Variants in PHKB observed in about 807,000 individuals in gnomAD.
The protein encoded by PHKB is phosphorylase b kinase regulatory subunit beta.
A neutral mutation model predicts 152.1 loss-of-function variants in PHKB; 122 were observed. The observed-to-expected ratio is 0.80, with a 90% CI of 0.69 to 0.93. The LOEUF is 0.93. PHKB is among the 40% of genes least tolerant of loss of function. The pLI is 0.00. For synonymous variants in PHKB, 436 were observed against 464.9 expected (o/e 0.94, Z 0.80); for missense variants, 1,304 against 1,328.4 (o/e 0.98, Z 0.29).
At chr16:47,619,673 A>G (rs1445367370) in intron 14 of PHKB, among the ~76,000 whole-genome samples, 1 of 152,206 alleles carries the variant, frequency 6.6e-6, no homozygotes, top group Non-Finnish European at 1.5e-5. Flanking sequence ...CCCACTGATT[A>G]TCTACGAATG....
rs543952914 is a variant in PHKB, at chr16:47,511,102, T to C, written c.406-563T>C. Among the ~76,000 whole-genome samples, 205 of 152,340 alleles carry C rather than the reference T, an allele frequency of 1.3e-3. No individual in the cohort carries two copies. In the Middle Eastern group the frequency reaches 0.017, roughly 13 times the overall value. On this transcript the variant is annotated intron_variant, in intron 4 of 30. Transcript: ENST00000323584. ...TATGTCTAGCTAATAAATAATGGCGTGGCCTATATTCTCTTAGAGTTGGTG... is the reference window on the plus strand; with the variant it reads ...TATGTCTAGCTAATAAATAATGGCGCGGCCTATATTCTCTTAGAGTTGGTG...
At chr16:47,463,875 TAA>T in intron 1 of PHKB, 2 of 1,578,398 alleles carry the variant, frequency 1.3e-6, no homozygotes, top group Non-Finnish European at 1.7e-6. Context: ...TAACCTTTAC[TAA>T]ACAGTTTTAA....
At chr16:47,629,595 C>T (rs1972783749) in intron 14 of PHKB, among the ~76,000 whole-genome samples, 1 of 149,882 alleles carries the variant, frequency 6.7e-6, no homozygotes, top group Non-Finnish European at 1.5e-5. Flanking sequence ...ACTAGTTCAA[C>T]CATTGTGGAA....
At chr16:47,619,886 C>T (rs1202471351) in intron 14 of PHKB, among the ~76,000 whole-genome samples, 4 of 152,066 alleles carry the variant, frequency 2.6e-5, no homozygotes, top group Non-Finnish European at 4.4e-5. Context: ...TATAAGGTGA[C>T]CCTTAGAGAA....
At chr16:47,658,997 T>A (rs1321845064) in intron 20 of PHKB, among the ~76,000 whole-genome samples, 1 of 152,238 alleles carries the variant, frequency 6.6e-6, no homozygotes, top group African/African-American at 2.4e-5. Flanking sequence ...AACAAATCAT[T>A]TAACTAAAGA....
chr16:47,594,662 G>T (rs1042478297), intron 12 of PHKB, among the ~76,000 whole-genome samples: 1 of 152,104 alleles, frequency 6.6e-6, no homozygotes, highest in South Asian at 2.1e-4. Flanking sequence ...TTGAACATCT[G>T]CCATGGTGCT....
At chr16:47,627,469 C>T (rs1489862258) in intron 14 of PHKB, among the ~76,000 whole-genome samples, 1 of 152,224 alleles carries the variant, frequency 6.6e-6, no homozygotes, top group Non-Finnish European at 1.5e-5. Context: ...TCGGTATTCT[C>T]TTCCACTATA....
chr16:47,605,138 A>G (rs1972299763), intron 13 of PHKB, among the ~76,000 whole-genome samples: 2 of 152,224 alleles, frequency 1.3e-5, no homozygotes, highest in South Asian at 4.1e-4. Flanking sequence ...TAAAGTAATG[A>G]TTATGGCAAT....
intron 26 of PHKB, among the ~76,000 whole-genome samples, chr16:47,671,404 A>G (rs1973635612): frequency 6.6e-6 from 1 of 152,202 alleles, no homozygotes; most frequent in African/African-American, 2.4e-5. Context: ...AACTATATAC[A>G]TAATGTTGTC....
intron 1 of PHKB, among the ~76,000 whole-genome samples, chr16:47,478,356 C>A (rs1486941354): frequency 6.6e-6 from 1 of 151,944 alleles, no homozygotes; most frequent in East Asian, 1.9e-4. Context: ...AGTGCAGCGA[C>A]CAATACCAGA....
intron 14 of PHKB, among the ~76,000 whole-genome samples, chr16:47,625,801 TATTA>T (rs1309013378): frequency 3.9e-5 from 6 of 152,234 alleles, no homozygotes; most frequent in African/African-American, 1.4e-4. Context: ...GTAAAATCAC[TATTA>T]ATTGAATCAA....
chr16:47,553,161 C>A (rs756236392), intron 7 of PHKB, among the ~76,000 whole-genome samples: 3 of 152,134 alleles, frequency 2.0e-5, no homozygotes. Context: ...CCATTACTTT[C>A]AGGTACACCA....
intron 2 of PHKB, among the ~76,000 whole-genome samples, chr16:47,497,936 GTTTGT>G (rs1250867360): frequency 6.6e-6 from 1 of 152,040 alleles, no homozygotes; most frequent in African/African-American, 2.4e-5. Flanking sequence ...CTTGTGTTTT[GTTTGT>G]TTTATTTTGT....
At chr16:47,627,222 C>T (rs1442441142) in intron 14 of PHKB, among the ~76,000 whole-genome samples, 1 of 152,164 alleles carries the variant, frequency 6.6e-6, no homozygotes, top group African/African-American at 2.4e-5. Flanking sequence ...GTTTCTATGG[C>T]GTTCTCGTCA....
chr16:47,500,544 C>G (rs1014175998), intron 3 of PHKB, among the ~76,000 whole-genome samples: 7 of 151,986 alleles, frequency 4.6e-5, no homozygotes, highest in Admixed American at 3.3e-4. Flanking sequence ...ATTAGAACCC[C>G]AAGTACTTAA....
In PHKB at chr16:47,671,956, CAAT is replaced by C. The variant is rs200571275; in HGVS notation, c.2630+2547_2630+2549del. Among the ~76,000 whole-genome samples the C allele has an allele frequency of 5.7e-3, 872 of 152,002 alleles. 7 individuals are homozygous for C. The highest frequency in any genetic ancestry group is 0.02 in the African/African-American group (829 of 41,506). On this transcript the variant is annotated intron_variant, in intron 26 of 30. Transcript: ENST00000323584. ...TATTGTTCCACTTTTTATAAAAGAACAATAATAATACCATACATATATCTGTGT... is the reference window on the plus strand; with the variant it reads ...TATTGTTCCACTTTTTATAAAAGAACAATAATACCATACATATATCTGTGT...
At chr16:47,508,097 A>G (rs899356605) in intron 4 of PHKB, among the ~76,000 whole-genome samples, 1 of 152,210 alleles carries the variant, frequency 6.6e-6, no homozygotes, top group Non-Finnish European at 1.5e-5. Context: ...ATCATAAAAC[A>G]TGCTTCCTGA....
At chr16:47,688,235 G>A (rs1164510125) in intron 26 of PHKB, among the ~76,000 whole-genome samples, 1 of 152,084 alleles carries the variant, frequency 6.6e-6, no homozygotes, top group Non-Finnish European at 1.5e-5. Context: ...CTAATTCCCT[G>A]GCTTTTCCTA....
At chr16:47,569,507 G>A (rs967876416) in intron 7 of PHKB, among the ~76,000 whole-genome samples, 2 of 152,124 alleles carry the variant, frequency 1.3e-5, no homozygotes, top group African/African-American at 2.4e-5. Context: ...ATTTACATTC[G>A]AAAATAGTAT....
Sources: allele counts gnomAD v4.1 joint callset (sites outside exome capture counted in the v4.1 genomes callset), GRCh38; gene constraint gnomAD v4.1.1; transcripts MANE v1.5; gene names NCBI Gene and HGNC (gene_info 2026-07-23, HGNC 2026-07-21).